Variants in ITIH2 observed in about 807,000 individuals in gnomAD.
ITIH2 encodes inter-alpha-trypsin inhibitor heavy chain 2, also known as inter-alpha-trypsin inhibitor heavy chain H2.
ITIH2 carries 103 observed loss-of-function variants against 104.4 expected under a neutral mutation model. The ratio of observed to expected loss-of-function variants is 0.99; its 90% CI spans 0.84 to 1.16. The LOEUF is 1.16. Ranked by LOEUF, ITIH2 falls within the 50% of genes most tolerant of loss-of-function variation. ITIH2 has a pLI of 0.00. For synonymous variants in ITIH2, 436 were observed against 435.4 expected (o/e 1.00, Z -0.02); for missense variants, 1,108 against 1,162.4 (o/e 0.95, Z 0.68).
intron 19 of ITIH2, among the ~76,000 whole-genome samples, chr10:7,745,287 C>G (rs1374244117): frequency 3.3e-5 from 5 of 152,180 alleles, no homozygotes; most frequent in African/African-American, 9.7e-5. Flanking sequence ...ACAAGCAGAA[C>G]ACTCTGGACA....
At chr10:7,737,378 T>C (rs1226333613) in intron 15 of ITIH2, among the ~76,000 whole-genome samples, 2 of 142,518 alleles carry the variant, frequency 1.4e-5, no homozygotes, top group African/African-American at 5.3e-5. Flanking sequence ...TATACATATA[T>C]GATATATACA....
chr10:7,716,173 C>T (rs1834848170), intron 5 of ITIH2, among the ~76,000 whole-genome samples: 1 of 152,092 alleles, frequency 6.6e-6, no homozygotes. Flanking sequence ...TTAGTAGAGA[C>T]AGGATTTCAC....
chr10:7,714,026 G>C (rs1393621180), intron 5 of ITIH2, among the ~76,000 whole-genome samples: 1 of 151,914 alleles, frequency 6.6e-6, no homozygotes, highest in Non-Finnish European at 1.5e-5. Context: ...ACTTCACTTA[G>C]GCTTTGTTTA....
At chr10:7,737,678 T>TTTCTATATTATATTCTATATTATA (rs1470493983) in intron 15 of ITIH2, among the ~76,000 whole-genome samples, 1 of 15,658 alleles carries the variant, frequency 6.4e-5, no homozygotes, top group Non-Finnish European at 1.0e-4. Flanking sequence ...TATTCTATAT[T>TTTCTATATTATATTCTATATTATA]TTCTATATTA....
intron 6 of ITIH2, 22 bp from the exon 7 acceptor site, chr10:7,720,834 T>C (rs772242540): frequency 1.4e-6 from 2 of 1,404,112 alleles, no homozygotes; most frequent in South Asian, 2.3e-5. Context: ...ATGCTTTGGG[T>C]AATTTTCTCT....
At chr10:7,724,989 G>C (rs899180072) in intron 9 of ITIH2, among the ~76,000 whole-genome samples, 2 of 151,944 alleles carry the variant, frequency 1.3e-5, no homozygotes, top group Non-Finnish European at 2.9e-5. Context: ...CATACACTTA[G>C]TTCATCTATG....
chr10:7,705,257 T>G lies in ITIH2; in HGVS notation c.159+75T>G, dbSNP rs190013370. ...TGGCAGAAGAAGACAAGTGTTAAGA[T>G]GCCTTCTGCTAGATTTTCTTAAGAG... is the stretch of plus-strand genomic sequence containing the variant. On this transcript the variant is annotated intron_variant, in intron 2 of 20. Transcript: ENST00000358415. 8.0e-3 allele frequency: 7,995 copies of G among 1,004,808 alleles called. 53 individuals carry two copies. Among genetic ancestry groups the G allele is most frequent in the Non-Finnish European group, 9.1e-3 (5,851 of 643,430 alleles). 62.2% of individuals were successfully genotyped at this position (1,004,808 alleles called of 1,614,324 possible).
chr10:7,716,668 G>A (rs11255304), intron 5 of ITIH2, among the ~76,000 whole-genome samples: 7,775 of 150,046 alleles, frequency 0.052, 585 homozygotes, highest in African/African-American at 0.17. Flanking sequence ...CCCTGGAGGC[G>A]GAGGTTGCAG....
intron 9 of ITIH2, among the ~76,000 whole-genome samples, chr10:7,724,089 G>C (rs1314810512): frequency 1.3e-5 from 2 of 152,070 alleles, no homozygotes; most frequent in Non-Finnish European, 2.9e-5. Flanking sequence ...GCTCAATATA[G>C]GCTTACTTAG....
At chr10:7,718,037 C>T (rs528525798) in intron 6 of ITIH2, among the ~76,000 whole-genome samples, 1 of 152,142 alleles carries the variant, frequency 6.6e-6, no homozygotes, top group African/African-American at 2.4e-5. Context: ...GCAAACGCCA[C>T]AGCTTAACAC....
chr10:7,740,726 T>A (rs1342415552), intron 16 of ITIH2, among the ~76,000 whole-genome samples: 1 of 152,170 alleles, frequency 6.6e-6, no homozygotes, highest in Admixed American at 6.5e-5. Flanking sequence ...CATGACCTTG[T>A]CCATACACTG....
At chr10:7,724,363 G>A (rs993934093) in intron 9 of ITIH2, among the ~76,000 whole-genome samples, 4 of 151,976 alleles carry the variant, frequency 2.6e-5, no homozygotes, top group African/African-American at 9.7e-5. Context: ...CTGAGGTTGG[G>A]AGTTTGAGAC....
At position 7,732,445 on chromosome 10, in the gene ITIH2, C is replaced by T; in HGVS notation, c.1755C>T (p.Ala585=). Residue 585 remains alanine, a synonymous_variant, in exon 14 of 21, where the codon GCC becomes GCT. Coordinates refer to ENST00000358415, the MANE Select transcript of ITIH2 (RefSeq NM_002216.3). ...ADPDFTRKLW[A]YLTINQLLAE... ...CCGATTTCACCAGGAAACTGTGGGC[C>T]TATCTAACCATCAACCAACTGCTAG... The T allele has an allele frequency of 6.2e-7, 1 of 1,614,004 alleles. No individual in the cohort carries two copies. Among genetic ancestry groups the T allele is most frequent in the Non-Finnish European group, 8.5e-7 (1 of 1,179,956 alleles).
At chr10:7,704,765 A>C (rs1050004699) in intron 1 of ITIH2, among the ~76,000 whole-genome samples, 3 of 152,210 alleles carry the variant, frequency 2.0e-5, no homozygotes, top group African/African-American at 7.2e-5. Context: ...ACCAACAGCT[A>C]TCTCTTTGGC....
chr10:7,723,079 G>A (rs201449619), intron 8 of ITIH2, among the ~76,000 whole-genome samples: 1 of 151,098 alleles, frequency 6.6e-6, no homozygotes, highest in East Asian at 2.0e-4. Flanking sequence ...GCAGCGTGGC[G>A]TGGAGTGGAG....
rs1313302086 is a variant in ITIH2 at position 7,727,001 on chromosome 10, T to A, written c.1036T>A (p.Phe346Ile). ...ILDDLRAEDH[F>I]SVIDFNQNIR... is the part of the protein sequence containing the mutation. ...GGATGACCTCAGAGCAGAAGACCATTTCTCTGTGATTGATTTCAACCAGAA... is the reference window on the plus strand; with the variant it reads ...GGATGACCTCAGAGCAGAAGACCATATCTCTGTGATTGATTTCAACCAGAA... Residue 346 changes from phenylalanine to isoleucine, a missense_variant, in exon 10 of 21, where the codon TTC becomes ATC. By Grantham distance (21) the Phe-to-Ile change is conservative (BLOSUM62 0). Transcript: ENST00000358415. 6.2e-7 allele frequency: 1 copy of A among 1,614,054 alleles called. No individual in the cohort carries two copies. The highest frequency in any genetic ancestry group is 1.1e-5 in the South Asian group (1 of 91,078).
chr10:7,730,561 C>A (rs553942422), intron 12 of ITIH2, among the ~76,000 whole-genome samples: 1 of 152,112 alleles, frequency 6.6e-6, no homozygotes, highest in Admixed American at 6.5e-5. Flanking sequence ...TGGCTCATGC[C>A]TGTAATCCCA....
chr10:7,745,848 C>T (rs533922297), intron 19 of ITIH2, among the ~76,000 whole-genome samples: 69 of 151,302 alleles, frequency 4.6e-4, no homozygotes, highest in African/African-American at 1.3e-3. Flanking sequence ...GCTGCCTCCC[C>T]GGTTCATGCG....
chr10:7,711,076 C>G (rs1834792960), intron 4 of ITIH2, among the ~76,000 whole-genome samples: 1 of 152,144 alleles, frequency 6.6e-6, no homozygotes, highest in African/African-American at 2.4e-5. Context: ...TGTCCTAATG[C>G]TCTCCCTCCC....
Sources: gnomAD v4.1 joint callset for allele counts (sites outside exome capture counted in the v4.1 genomes callset) on GRCh38, gnomAD v4.1.1 for gene constraint, MANE v1.5 for transcripts, NCBI Gene and HGNC (gene_info 2026-07-23, HGNC 2026-07-21) for gene names.